QTMAN: variants seen among roughly 807,000 people sequenced by gnomAD.
The protein encoded by QTMAN is queuosine-tRNA mannosyltransferase.
the QTMAN span, among the ~76,000 whole-genome samples, chr2:144,254,181 G>A: frequency 6.6e-6 from 1 of 152,312 alleles, no homozygotes; most frequent in South Asian, 2.1e-4. Context: ...CAGCACTTTG[G>A]GAGGCCAAGA....
the QTMAN span, among the ~76,000 whole-genome samples, chr2:144,157,595 G>A: frequency 2.6e-5 from 4 of 152,100 alleles, no homozygotes; most frequent in Non-Finnish European, 5.9e-5. Context: ...AAACACTTGC[G>A]ATGGCTATTA....
At chr2:144,276,445 C>G in the QTMAN span, among the ~76,000 whole-genome samples, 1 of 152,112 alleles carries the variant, frequency 6.6e-6, no homozygotes, top group Non-Finnish European at 1.5e-5. Context: ...CCACCTCAGG[C>G]TCCCAAAGTG....
the QTMAN span, among the ~76,000 whole-genome samples, chr2:144,016,399 T>C: frequency 6.6e-6 from 1 of 152,220 alleles, no homozygotes; most frequent in Non-Finnish European, 1.5e-5. Flanking sequence ...CCTCACTTAA[T>C]ATGATGATAG....
the QTMAN span, among the ~76,000 whole-genome samples, chr2:144,241,445 C>T: frequency 2.6e-5 from 4 of 152,172 alleles, no homozygotes; most frequent in African/African-American, 9.7e-5. Flanking sequence ...TGCCAATAAG[C>T]ACTTTATATA....
At chr2:144,223,505 G>A in the QTMAN span, among the ~76,000 whole-genome samples, 1 of 152,100 alleles carries the variant, frequency 6.6e-6, no homozygotes, top group African/African-American at 2.4e-5. Context: ...TCCAACATTA[G>A]TACTCTGACC....
the QTMAN span, among the ~76,000 whole-genome samples, chr2:144,324,343 T>A: frequency 6.6e-6 from 1 of 152,210 alleles, no homozygotes; most frequent in African/African-American, 2.4e-5. Context: ...ACCTACTTCC[T>A]TTTAAAATGA....
At chr2:144,126,912 C>T in the QTMAN span, among the ~76,000 whole-genome samples, 5 of 151,806 alleles carry the variant, frequency 3.3e-5, no homozygotes, top group South Asian at 6.2e-4. Flanking sequence ...TTTTTGAACC[C>T]GACACAAGTT....
the QTMAN span, among the ~76,000 whole-genome samples, chr2:144,030,720 AAT>A: frequency 3.3e-5 from 5 of 152,204 alleles, no homozygotes; most frequent in African/African-American, 1.2e-4. Flanking sequence ...TCAGTAAAAT[AAT>A]ATGTGTCAAG....
the QTMAN span, among the ~76,000 whole-genome samples, chr2:144,248,346 T>C: frequency 6.6e-6 from 1 of 152,198 alleles, no homozygotes; most frequent in East Asian, 1.9e-4. Flanking sequence ...AAAATATGAA[T>C]GGTAATTTTA....
At chr2:144,110,212 T>C in the QTMAN span, among the ~76,000 whole-genome samples, 1 of 152,060 alleles carries the variant, frequency 6.6e-6, no homozygotes, top group East Asian at 1.9e-4. Flanking sequence ...TATGCAGCCA[T>C]AAAAAAGGAT....
the QTMAN span, chr2:143,942,932 A>C: frequency 6.6e-6 from 1 of 152,422 alleles, no homozygotes; most frequent in African/African-American, 2.4e-5. Flanking sequence ...TCTCCTATCA[A>C]AAGATATATG....
At chr2:144,141,155 T>C in the QTMAN span, among the ~76,000 whole-genome samples, 2 of 151,976 alleles carry the variant, frequency 1.3e-5, no homozygotes, top group African/African-American at 4.8e-5. Context: ...CTCCTGCTAG[T>C]GTGAGTCCCA....
chr2:144,283,644 C>A, the QTMAN span, among the ~76,000 whole-genome samples: 1 of 151,994 alleles, frequency 6.6e-6, no homozygotes. Context: ...TTCATAAATT[C>A]TATTTATGAA....
At chr2:144,053,313 G>C in the QTMAN span, among the ~76,000 whole-genome samples, 1 of 152,166 alleles carries the variant, frequency 6.6e-6, no homozygotes. Flanking sequence ...CACTGTGCCA[G>C]ATCATCTATT....
At chr2:144,058,255 T>C in the QTMAN span, among the ~76,000 whole-genome samples, 1 of 151,976 alleles carries the variant, frequency 6.6e-6, no homozygotes, top group Non-Finnish European at 1.5e-5. Context: ...ACTCTGATGT[T>C]CCACAAGGCT....
the QTMAN span, among the ~76,000 whole-genome samples, chr2:144,058,908 A>G: frequency 1.3e-5 from 2 of 152,194 alleles, no homozygotes; most frequent in Non-Finnish European, 2.9e-5. Flanking sequence ...AGTCCAGACA[A>G]TTAGTGCCTC....
the QTMAN span, among the ~76,000 whole-genome samples, chr2:143,956,262 T>A: frequency 6.6e-6 from 1 of 152,180 alleles, no homozygotes; most frequent in Non-Finnish European, 1.5e-5. Flanking sequence ...TTTGGTGATA[T>A]TCTGAAGGAG....
At chr2:144,205,336 G>A in the QTMAN span, among the ~76,000 whole-genome samples, 4 of 152,100 alleles carry the variant, frequency 2.6e-5, no homozygotes, top group Admixed American at 2.6e-4. Context: ...TGTAGGAAAG[G>A]GGAGTTGGCC....
At chr2:144,310,334 G>C in the QTMAN span, among the ~76,000 whole-genome samples, 1 of 152,144 alleles carries the variant, frequency 6.6e-6, no homozygotes, top group African/African-American at 2.4e-5. Flanking sequence ...AGGTTAGGTA[G>C]AGAGTCCAAA....
Sources: allele counts gnomAD v4.1 joint callset (sites outside exome capture counted in the v4.1 genomes callset), GRCh38; gene constraint gnomAD v4.1.1; transcripts MANE v1.5; gene names NCBI Gene and HGNC (gene_info 2026-07-23, HGNC 2026-07-21).